ACCSL: variants seen among roughly 807,000 people sequenced by gnomAD.
The protein encoded by ACCSL is probable inactive 1-aminocyclopropane-1-carboxylate synthase-like protein 2.
Under a neutral mutation model 61.7 loss-of-function variants are expected in ACCSL, and 55 were observed. That is an observed-to-expected ratio of 0.89 (90% CI 0.72 to 1.12). ACCSL has a LOEUF of 1.12. Among genes scored for constraint, ACCSL ranks in the 50% most tolerant of loss-of-function variants. The pLI is 0.00. For missense variants in ACCSL, 632 were observed against 698.0 expected (o/e 0.91, Z 1.07); for synonymous variants, 258 against 264.3 (o/e 0.98, Z 0.23).
chr11:43,943,357 C>A, the ACCSL span: 2 of 1,392,928 alleles, frequency 1.4e-6, no homozygotes, highest in Admixed American at 3.8e-5. The surrounding 1 kb of genome is among the most constrained non-coding windows in gnomAD (Gnocchi z 4.8). Context: ...CCGCGCCCTG[C>A]TCCCGGGGGA....
chr11:43,953,115 A>G, the ACCSL span, among the ~76,000 whole-genome samples: 1 of 152,214 alleles, frequency 6.6e-6, no homozygotes, highest in African/African-American at 2.4e-5. Context: ...GCTGGGTAAA[A>G]TAAGGCTGAG....
chr11:43,982,601 A>T, the ACCSL span, among the ~76,000 whole-genome samples: 1 of 152,104 alleles, frequency 6.6e-6, no homozygotes, highest in African/African-American at 2.4e-5. Context: ...ATGGGGAGGC[A>T]GGTGCGGATG....
the ACCSL span, among the ~76,000 whole-genome samples, chr11:43,966,497 A>G: frequency 6.6e-6 from 1 of 152,074 alleles, no homozygotes; most frequent in East Asian, 1.9e-4. Flanking sequence ...AGTGAAAAAA[A>G]AACCCACAAA....
the ACCSL span, among the ~76,000 whole-genome samples, chr11:43,984,374 G>A: frequency 6.6e-6 from 1 of 152,112 alleles, no homozygotes; most frequent in Non-Finnish European, 1.5e-5. Context: ...ACTTAGACTT[G>A]TTTCAAAATA....
At chr11:44,030,067 T>A in the ACCSL span, among the ~76,000 whole-genome samples, 2 of 117,472 alleles carry the variant, frequency 1.7e-5, no homozygotes, top group Non-Finnish European at 3.5e-5. Context: ...ATTTTTTTTT[T>A]TTTTTTTTTT....
At chr11:44,011,874 A>G in the ACCSL span, among the ~76,000 whole-genome samples, 2 of 152,276 alleles carry the variant, frequency 1.3e-5, no homozygotes, top group South Asian at 4.1e-4. Flanking sequence ...GATTCTGTTC[A>G]ATTACCTATC....
the ACCSL span, among the ~76,000 whole-genome samples, chr11:43,977,755 G>A: frequency 6.6e-6 from 1 of 152,188 alleles, no homozygotes; most frequent in African/African-American, 2.4e-5. Context: ...CCCTCCCTCT[G>A]AATCTAATAG....
At chr11:44,032,479 C>T in the ACCSL span, among the ~76,000 whole-genome samples, 7 of 152,218 alleles carry the variant, frequency 4.6e-5, no homozygotes, top group Middle Eastern at 3.4e-3. Context: ...CTGCAGGGTG[C>T]GGGGAGGAGG....
chr11:44,030,689 C>T, the ACCSL span, among the ~76,000 whole-genome samples: 1 of 152,076 alleles, frequency 6.6e-6, no homozygotes, highest in Non-Finnish European at 1.5e-5. Flanking sequence ...ATGAATCAGA[C>T]ATGGACATCA....
At chr11:43,979,147 G>A in the ACCSL span, among the ~76,000 whole-genome samples, 79 of 152,094 alleles carry the variant, frequency 5.2e-4, no homozygotes, top group African/African-American at 1.6e-3. Context: ...CTAATCCATA[G>A]CCTGGGTAAC....
chr11:43,993,281 G>C, the ACCSL span, among the ~76,000 whole-genome samples: 1 of 152,124 alleles, frequency 6.6e-6, no homozygotes, highest in Non-Finnish European at 1.5e-5. Flanking sequence ...GGGTAACTCC[G>C]TGCATCCCAT....
the ACCSL span, among the ~76,000 whole-genome samples, chr11:44,029,010 C>T: frequency 6.6e-5 from 10 of 152,216 alleles, no homozygotes; most frequent in South Asian, 4.2e-4. Flanking sequence ...TTCTCACTCC[C>T]GGGCAGTGAT....
At chr11:44,031,700 G>A in the ACCSL span, among the ~76,000 whole-genome samples, 12 of 152,272 alleles carry the variant, frequency 7.9e-5, no homozygotes, top group East Asian at 2.3e-3. Flanking sequence ...GAGTCAGGCT[G>A]ATGGGGAGTC....
At chr11:44,040,059 G>A in the ACCSL span, among the ~76,000 whole-genome samples, 9,096 of 152,310 alleles carry the variant, frequency 0.06, 507 homozygotes, top group African/African-American at 0.14. Context: ...AGGCAGGGGG[G>A]CCTGGGCAGA....
chr11:43,935,353 G>A, the ACCSL span, among the ~76,000 whole-genome samples: 21 of 152,210 alleles, frequency 1.4e-4, no homozygotes, highest in Non-Finnish European at 1.5e-5. Context: ...TGGATTCCAG[G>A]CCAGTGCTGT....
chr11:43,949,212 A>T, the ACCSL span, among the ~76,000 whole-genome samples: 1 of 151,722 alleles, frequency 6.6e-6, no homozygotes. Flanking sequence ...CCCCCCTCCA[A>T]CTCCCAGCAG....
At chr11:43,922,695 G>T in the ACCSL span, among the ~76,000 whole-genome samples, 1 of 152,168 alleles carries the variant, frequency 6.6e-6, no homozygotes, top group Admixed American at 6.5e-5. Flanking sequence ...TCAGAGATAT[G>T]AAACTTTTAG....
the ACCSL span, among the ~76,000 whole-genome samples, chr11:43,992,523 C>G: frequency 4.6e-5 from 7 of 152,208 alleles, no homozygotes; most frequent in Non-Finnish European, 8.8e-5. Flanking sequence ...TGGGCAGGAA[C>G]GGGTTGCATT....
chr11:44,037,296 C>T, the ACCSL span, among the ~76,000 whole-genome samples: 1 of 152,322 alleles, frequency 6.6e-6, no homozygotes, highest in Non-Finnish European at 1.5e-5. Context: ...GACCAAGGTA[C>T]CCAACCTCTC....
Sources: allele counts gnomAD v4.1 joint callset (sites outside exome capture counted in the v4.1 genomes callset), GRCh38; gene constraint gnomAD v4.1.1; non-coding constraint Gnocchi (gnomAD v3.1); transcripts MANE v1.5; gene names NCBI Gene and HGNC (gene_info 2026-07-23, HGNC 2026-07-21).